SRL: variants seen among roughly 807,000 people sequenced by gnomAD.
SRL encodes the protein sarcalumenin.
In SRL, 23 loss-of-function variants were observed where a neutral mutation model predicts 39.5. The ratio of observed to expected loss-of-function variants is 0.58; its 90% CI spans 0.42 to 0.82. SRL has a LOEUF of 0.82. Ranked by LOEUF, SRL falls within the 40% of genes least tolerant of loss-of-function variation. The pLI is 0.00. For synonymous variants in SRL, 272 were observed against 237.4 expected, an observed-to-expected ratio of 1.15 and a Z score of -1.34; for missense variants, 592 against 607.8, an observed-to-expected ratio of 0.97 and a Z score of 0.27.
At chr16:4,230,731 T>C (rs2052652113) in intron 1 of SRL, among the ~76,000 whole-genome samples, 1 of 152,038 alleles carries the variant, frequency 6.6e-6, no homozygotes, top group East Asian at 1.9e-4. Flanking sequence ...CAAATGTAAT[T>C]AGTTAAGATG....
At chr16:4,227,434 T>C (rs201767070) in intron 1 of SRL, among the ~76,000 whole-genome samples, 2 of 150,736 alleles carry the variant, frequency 1.3e-5, no homozygotes, top group Non-Finnish European at 3.0e-5. Flanking sequence ...GATGGAAGGA[T>C]GGATGTGTGG....
intron 1 of SRL, among the ~76,000 whole-genome samples, chr16:4,228,792 G>A (rs1428255848): frequency 6.6e-6 from 1 of 151,906 alleles, no homozygotes; most frequent in African/African-American, 2.4e-5. Flanking sequence ...AAGACCCCGG[G>A]GCTGGGGAAA....
At chr16:4,213,870 T>A (rs2052424122) in intron 1 of SRL, among the ~76,000 whole-genome samples, 1 of 152,174 alleles carries the variant, frequency 6.6e-6, no homozygotes, top group East Asian at 1.9e-4. Context: ...TTAACCTCTC[T>A]TGAAATGAGG....
rs369817810 is a variant in SRL, at chr16:4,224,147, G to C, written c.61+17860C>G. Among the ~76,000 whole-genome samples, 25 of 152,152 alleles carry C rather than the reference G, an allele frequency of 1.6e-4. No homozygotes were observed. In the East Asian group the frequency reaches 2.7e-3, roughly 16 times the overall value. ...GGAGGAGGGAGAGGAGAGGAGGAGG[G>C]AGAGAGAGAGGAGTAGAAAGATCAG... On this transcript the variant is annotated intron_variant, in intron 1 of 5. Coordinates refer to ENST00000399609, the MANE Select transcript of SRL (RefSeq NM_001098814.2).
At chr16:4,207,783 ACTG>A (rs2052342386) in intron 1 of SRL, 2 of 454,402 alleles carry the variant, frequency 4.4e-6, no homozygotes, top group African/African-American at 4.0e-5. Context: ...GGCGCTTGCC[ACTG>A]GTGGGCCATT....
At chr16:4,214,973 G>C (rs1007665892) in intron 1 of SRL, among the ~76,000 whole-genome samples, 1 of 151,960 alleles carries the variant, frequency 6.6e-6, no homozygotes, top group African/African-American at 2.4e-5. Flanking sequence ...TCACCATGTT[G>C]GCCAGGCTGG....
chr16:4,221,164 T>C (rs538975082), intron 1 of SRL, among the ~76,000 whole-genome samples: 101 of 151,726 alleles, frequency 6.7e-4, no homozygotes, highest in African/African-American at 2.1e-3. Flanking sequence ...TTCTCCTGCC[T>C]CAGCCTCCTG....
rs147639833 is a variant in SRL at position 4,221,071 on chromosome 16, C to T, written c.62-16437G>A. ...TTCCATTATTTTTTTTTTTTCGATA[C>T]GGAGTCTCACTTTGTCGCTCAGGCT... is the stretch of plus-strand genomic sequence containing the variant. On this transcript the variant is annotated intron_variant, in intron 1 of 5. Coordinates refer to ENST00000399609, the MANE Select transcript of SRL (RefSeq NM_001098814.2). Among the ~76,000 whole-genome samples the T allele has an allele frequency of 1.5e-3, 231 of 150,430 alleles. 1 individual carries two copies. The highest frequency in any genetic ancestry group is 5.4e-3 in the African/African-American group (220 of 40,966).
intron 1 of SRL, among the ~76,000 whole-genome samples, chr16:4,230,490 C>T (rs1292446364): frequency 6.6e-6 from 1 of 151,748 alleles, no homozygotes; most frequent in African/African-American, 2.4e-5. Context: ...AAGCGATTCT[C>T]CTGCCTCAGC....
intron 2 of SRL, 28 bp from the exon 3 acceptor site, chr16:4,203,289 G>C: frequency 1.3e-6 from 2 of 1,596,916 alleles, no homozygotes. Context: ...CGGGGGAAGA[G>C]CATCACGCAG....
chr16:4,195,732 T>G lies in SRL; in HGVS notation c.431A>C (p.Lys144Thr). Residue 144 changes from lysine to threonine, a missense_variant, in exon 5 of 6, where the codon AAA becomes ACA. By Grantham distance (78) the Lys-to-Thr change is moderately conservative. Transcript: ENST00000399609. ...AGCCATGACGATGCCCTCGATGGTTTTCAGCTTAGGCCCATGCATGAGGAC... is the reference window on the plus strand; with the variant it reads ...AGCCATGACGATGCCCTCGATGGTTGTCAGCTTAGGCCCATGCATGAGGAC... ...FTVLMHGPKL[K>T]TIEGIVMAAD... 2 of 1,614,010 alleles carry G rather than the reference T, an allele frequency of 1.2e-6. No individual in the cohort carries two copies. Among genetic ancestry groups the G allele is most frequent in the Non-Finnish European group, 1.7e-6 (2 of 1,180,002 alleles).
chr16:4,226,315 T>G (rs2052588257), intron 1 of SRL, among the ~76,000 whole-genome samples: 1 of 152,048 alleles, frequency 6.6e-6, no homozygotes, highest in Non-Finnish European at 1.5e-5. Flanking sequence ...GATGGATGAA[T>G]GAATGGAAGG....
Position 4,230,678 on chromosome 16 carries a change from A to G in SRL, c.61+11329T>C, listed in dbSNP as rs374224173. On this transcript the variant is annotated intron_variant, in intron 1 of 5. Coordinates refer to ENST00000399609, the MANE Select transcript of SRL (RefSeq NM_001098814.2). ...GCTGGGATTACAGGTGTGAGCCACC[A>G]CACCCAGGAAGAATGTGACCTTCTA... 2.1e-3 allele frequency among the ~76,000 whole-genome samples: 324 copies of G among 151,740 alleles called. 2 individuals are homozygous for G. Among genetic ancestry groups the G allele is most frequent in the South Asian group, 0.01 (50 of 4,772 alleles).
chr16:4,200,496 C>G (rs1345701091), intron 3 of SRL, among the ~76,000 whole-genome samples: 1 of 152,172 alleles, frequency 6.6e-6, no homozygotes, highest in Non-Finnish European at 1.5e-5. Context: ...AGTTAAGAAC[C>G]AAGCCCAAAA....
rs115413384 is a variant in SRL at position 4,192,255 on chromosome 16, C to T, written c.1320G>A (p.Pro440=). ...CGAGCCCGAGGCTACCCAGGAGGCCCGGAAGCTCCTGAGTGATGGCCCGCT... is the reference window on the plus strand; with the variant it reads ...CGAGCCCGAGGCTACCCAGGAGGCCTGGAAGCTCCTGAGTGATGGCCCGCT... ...KIERAITQEL[P]GLLGSLGLGK... Residue 440 remains proline, a synonymous_variant, in exon 6 of 6, where the codon CCG becomes CCA. Coordinates refer to ENST00000399609, the MANE Select transcript of SRL (RefSeq NM_001098814.2). This position sits in a 1 kb window ranked among gnomAD's most constrained non-coding sequence, Gnocchi z 4.0. The T allele has an allele frequency of 1.1e-3, 1,829 of 1,613,850 alleles. 18 individuals are homozygous for T. The African/African-American group carries it at 0.021, about 19-fold the overall frequency.
intron 3 of SRL, among the ~76,000 whole-genome samples, chr16:4,201,800 C>T (rs1291205612): frequency 1.5e-5 from 2 of 137,802 alleles, no homozygotes; most frequent in East Asian, 1.9e-4. Context: ...GGATTACAGC[C>T]GCCAGCCACT....
At chr16:4,218,332 GACC>G (rs2052484472) in intron 1 of SRL, among the ~76,000 whole-genome samples, 1 of 152,172 alleles carries the variant, frequency 6.6e-6, no homozygotes, top group Admixed American at 6.5e-5. Context: ...GAAGGCAGAG[GACC>G]GGTAAGGGCC....
At chr16:4,231,409 C>G (rs916062322) in intron 1 of SRL, among the ~76,000 whole-genome samples, 1 of 152,150 alleles carries the variant, frequency 6.6e-6, no homozygotes, top group African/African-American at 2.4e-5. Flanking sequence ...ACACCTAAGC[C>G]TGGCGCTGTG....
chr16:4,202,376 G>A (rs1234605982), intron 3 of SRL, among the ~76,000 whole-genome samples: 2 of 152,138 alleles, frequency 1.3e-5, no homozygotes, highest in Non-Finnish European at 2.9e-5. Flanking sequence ...GGCAGATCAC[G>A]AGGTCCGCAG....
Sources: gnomAD v4.1 joint callset for allele counts (sites outside exome capture counted in the v4.1 genomes callset) on GRCh38, gnomAD v4.1.1 for gene constraint, Gnocchi (gnomAD v3.1) non-coding constraint, MANE v1.5 for transcripts, NCBI Gene and HGNC (gene_info 2026-07-23, HGNC 2026-07-21) for gene names.